Variants in STAC observed in about 807,000 individuals in gnomAD.
The protein encoded by STAC is SH3 and cysteine rich domain.
Under a neutral mutation model 48.8 loss-of-function variants are expected in STAC, and 43 were observed. The observed-to-expected ratio is 0.88, with a 90% CI of 0.69 to 1.14. The LOEUF is 1.14. STAC is among the 50% of genes most tolerant of loss of function. STAC has a pLI of 0.00. For synonymous variants in STAC, 193 were observed against 179.5 expected (o/e 1.07, Z -0.60); for missense variants, 497 against 504.0 (o/e 0.99, Z 0.13).
Position 36,443,470 on chromosome 3 carries a change from C to A in STAC, c.218C>A (p.Ala73Glu). 1 of 1,614,230 alleles carries A rather than the reference C, an allele frequency of 6.2e-7. No individual in the cohort carries two copies. Among genetic ancestry groups the A allele is most frequent in the South Asian group, 1.1e-5 (1 of 91,082 alleles). ...AACAGCGAAGACATGAAACTGCAAGCACACATGGTGGCTGAGATCAGCCCC... is the reference window on the plus strand; with the variant it reads ...AACAGCGAAGACATGAAACTGCAAGAACACATGGTGGCTGAGATCAGCCCC... ...RTNSEDMKLQ[A>E]HMVAEISPSS... Residue 73 changes from alanine (A) to glutamate (E), a missense_variant, in exon 2 of 11, where the codon GCA becomes GAA. By Grantham distance (107) the Ala-to-Glu change is moderately radical (BLOSUM62 -1). Coordinates refer to ENST00000273183, the MANE Select transcript of STAC (RefSeq NM_003149.3). This position sits in a 1 kb window ranked among gnomAD's most constrained non-coding sequence, Gnocchi z 4.2.
intron 1 of STAC, among the ~76,000 whole-genome samples, chr3:36,427,199 A>G (rs1240487658): frequency 6.6e-6 from 1 of 152,258 alleles, no homozygotes; most frequent in Non-Finnish European, 1.5e-5. Context: ...AATGATGAGC[A>G]GAGCAGAACT....
intron 1 of STAC, among the ~76,000 whole-genome samples, chr3:36,422,408 C>T (rs1283421142): frequency 6.6e-6 from 1 of 152,008 alleles, no homozygotes; most frequent in East Asian, 1.9e-4. Context: ...AATTATAAGC[C>T]TTCAATAAAT....
intron 1 of STAC, among the ~76,000 whole-genome samples, chr3:36,412,341 A>G (rs780457535): frequency 1.3e-5 from 2 of 152,160 alleles, no homozygotes; most frequent in African/African-American, 4.8e-5. Flanking sequence ...AGAAATCTAC[A>G]TTGGATGTAC....
chr3:36,412,975 T>C (rs1472412920), intron 1 of STAC, among the ~76,000 whole-genome samples: 2 of 152,150 alleles, frequency 1.3e-5, no homozygotes, highest in African/African-American at 4.8e-5. Context: ...TTCCATGTAG[T>C]TGAGCAGTTT....
At chr3:36,383,744 G>A (rs1699561759) in intron 1 of STAC, among the ~76,000 whole-genome samples, 1 of 152,164 alleles carries the variant, frequency 6.6e-6, no homozygotes. Context: ...ATCATCTAGG[G>A]AAAGAATTTA....
At chr3:36,406,552 C>T (rs1208566469) in intron 1 of STAC, among the ~76,000 whole-genome samples, 1 of 152,228 alleles carries the variant, frequency 6.6e-6, no homozygotes, top group East Asian at 1.9e-4. Flanking sequence ...GGGCTGTGCA[C>T]CACAGCTCCC....
rs189833532 is a variant in STAC at position 36,439,319 on chromosome 3, G to A, written c.112-4045G>A. On this transcript the variant is annotated intron_variant, in intron 1 of 10. Coordinates refer to ENST00000273183, the MANE Select transcript of STAC (RefSeq NM_003149.3). ...TCAGCTCCGTATTCCTAGCTCCTTG[G>A]TTCCCCACTTTTGTCCCCCATCATC... is the stretch of plus-strand genomic sequence containing the variant. Among the ~76,000 whole-genome samples the A allele has an allele frequency of 1.1e-3, 174 of 152,234 alleles. No homozygotes were observed. The Middle Eastern group carries it at 0.014, about 12-fold the overall frequency.
intron 1 of STAC, among the ~76,000 whole-genome samples, chr3:36,393,511 T>C (rs1310922820): frequency 2.0e-5 from 3 of 151,994 alleles, no homozygotes; most frequent in African/African-American, 7.3e-5. Flanking sequence ...GACTGACTGC[T>C]ATGGGCTGAA....
chr3:36,481,722 C>A (rs1697652159), intron 2 of STAC, among the ~76,000 whole-genome samples: 1 of 152,222 alleles, frequency 6.6e-6, no homozygotes, highest in Non-Finnish European at 1.5e-5. Flanking sequence ...CTTTTCCTAA[C>A]AATCTTTTGG....
chr3:36,526,255 C>G (rs757616893), intron 8 of STAC, among the ~76,000 whole-genome samples: 3 of 152,214 alleles, frequency 2.0e-5, no homozygotes, highest in East Asian at 1.9e-4. Flanking sequence ...ATTCACCCCC[C>G]CTCCCCATAT....
At chr3:36,528,820 T>C (rs1698998432) in intron 9 of STAC, 28 bp from the exon 10 acceptor site, 1 of 1,609,808 alleles carries the variant, frequency 6.2e-7, no homozygotes, top group East Asian at 2.2e-5. Context: ...GCTACAATTG[T>C]GGATGCATGC....
intron 2 of STAC, among the ~76,000 whole-genome samples, chr3:36,465,836 T>C (rs1306186334): frequency 6.6e-6 from 1 of 152,156 alleles, no homozygotes; most frequent in Non-Finnish European, 1.5e-5. Flanking sequence ...GCCTGATTTA[T>C]ATTCACTGGA....
rs545856115 is a variant in STAC at position 36,540,156 on chromosome 3, A to G, written c.1111-6035A>G. ...AGGTGAAGGAAGGAGCTGTGAGCCA[A>G]GGAATATAGGTGATGACCTCTAGAG... On this transcript the variant is annotated intron_variant, in intron 10 of 10. Transcript: ENST00000273183. Among the ~76,000 whole-genome samples the G allele has an allele frequency of 3.9e-5, 6 of 152,296 alleles. No individual in the cohort carries two copies. The East Asian group carries it at 1.2e-3, about 29-fold the overall frequency.
At chr3:36,414,431 T>A (rs1417498174) in intron 1 of STAC, among the ~76,000 whole-genome samples, 2 of 152,214 alleles carry the variant, frequency 1.3e-5, no homozygotes, top group African/African-American at 2.4e-5. Flanking sequence ...CATTTGATCT[T>A]CCATCACTGA....
intron 2 of STAC, among the ~76,000 whole-genome samples, chr3:36,477,892 G>A (rs1018635226): frequency 2.0e-5 from 3 of 152,172 alleles, no homozygotes; most frequent in African/African-American, 7.2e-5. Context: ...TCCAAGGGAT[G>A]ACTTGACCCT....
At position 36,391,619 on chromosome 3, in the gene STAC, G is replaced by C. The variant is rs181936401; in HGVS notation, c.111+10865G>C. On this transcript the variant is annotated intron_variant, in intron 1 of 10. Transcript: ENST00000273183. ...TTTTCTCATGTGCTCTTCTGCTGAT[G>C]AGCTCCTCCATAGAGAAGCATCATC... 1.2e-3 allele frequency among the ~76,000 whole-genome samples: 184 copies of C among 152,142 alleles called. 1 individual carries two copies. The highest frequency in any genetic ancestry group is 2.2e-3 in the Non-Finnish European group (147 of 68,010).
At chr3:36,408,886 A>G (rs1700136865) in intron 1 of STAC, among the ~76,000 whole-genome samples, 1 of 152,214 alleles carries the variant, frequency 6.6e-6, no homozygotes, top group East Asian at 1.9e-4. Flanking sequence ...ATATACCTCC[A>G]GTTGTAAACA....
chr3:36,530,846 C>T (rs1342528353), intron 10 of STAC, among the ~76,000 whole-genome samples: 3 of 152,080 alleles, frequency 2.0e-5, no homozygotes, highest in African/African-American at 7.2e-5. Context: ...GATCCACCCG[C>T]CTCGGCCTCC....
At chr3:36,481,035 G>A (rs1697632497) in intron 2 of STAC, among the ~76,000 whole-genome samples, 1 of 152,150 alleles carries the variant, frequency 6.6e-6, no homozygotes, top group Admixed American at 6.5e-5. Context: ...TTTAGACAGG[G>A]GTGGGAAATG....
Sources: gnomAD v4.1 joint callset for allele counts (sites outside exome capture counted in the v4.1 genomes callset) on GRCh38, gnomAD v4.1.1 for gene constraint, Gnocchi (gnomAD v3.1) non-coding constraint, MANE v1.5 for transcripts, NCBI Gene and HGNC (gene_info 2026-07-23, HGNC 2026-07-21) for gene names.